Variants in MAPK10 observed in about 807,000 individuals in gnomAD.
MAPK10 encodes JNK3 alpha protein kinase.
In MAPK10, 25 loss-of-function variants were observed where a neutral mutation model predicts 59.3. That is an observed-to-expected ratio of 0.42 (90% confidence interval 0.31 to 0.59). The LOEUF is 0.59. Among genes scored for constraint, MAPK10 ranks in the 20% least tolerant of loss-of-function variants. The pLI, the probability that MAPK10 is intolerant of heterozygous loss-of-function variation, is 0.15. For synonymous variants in MAPK10, 190 were observed against 200.5 expected (o/e 0.95, Z 0.44); for missense variants, 351 against 568.9 (o/e 0.62, Z 3.90).
At chr4:86,102,958 G>A (rs2055765503) in intron 6 of MAPK10, 2 of 365,470 alleles carry the variant, frequency 5.5e-6, no homozygotes, top group Admixed American at 8.5e-5. Flanking sequence ...CCAAAAGGAG[G>A]CAGAATGTCT....
intron 1 of MAPK10, among the ~76,000 whole-genome samples, chr4:86,542,027 G>A (rs945119555): frequency 2.0e-5 from 3 of 151,398 alleles, no homozygotes; most frequent in African/African-American, 2.4e-5. Flanking sequence ...TATTAATAGT[G>A]ATCCTATCTG....
At chr4:86,167,244 A>C (rs921050325) in intron 3 of MAPK10, among the ~76,000 whole-genome samples, 15 of 152,186 alleles carry the variant, frequency 9.9e-5, no homozygotes, top group African/African-American at 3.4e-4. Flanking sequence ...CAACCAAAAA[A>C]AAGCCCAGGA....
chr4:86,340,999 G>A (rs1054362542), intron 2 of MAPK10, among the ~76,000 whole-genome samples: 7 of 152,104 alleles, frequency 4.6e-5, no homozygotes, highest in Non-Finnish European at 7.4e-5. Context: ...CATGAAGCAA[G>A]ACCATTGATT....
At chr4:86,263,327 C>A (rs769722176) in intron 2 of MAPK10, among the ~76,000 whole-genome samples, 4 of 152,150 alleles carry the variant, frequency 2.6e-5, no homozygotes, top group Non-Finnish European at 5.9e-5. Flanking sequence ...TTTTTCAAAT[C>A]TTTTGCAATA....
chr4:86,569,588 G>C (rs180903105), intron 1 of MAPK10, among the ~76,000 whole-genome samples: 3 of 152,186 alleles, frequency 2.0e-5, no homozygotes, highest in African/African-American at 7.2e-5. Context: ...AAAAAATGTG[G>C]TATTATATAT....
At chr4:86,046,018 G>C (rs545036536) in intron 11 of MAPK10, among the ~76,000 whole-genome samples, 1 of 151,740 alleles carries the variant, frequency 6.6e-6, no homozygotes, top group South Asian at 2.1e-4. Context: ...ATGGGACAAA[G>C]AATTGAGAAT....
intron 9 of MAPK10, among the ~76,000 whole-genome samples, chr4:86,075,446 T>C (rs2049092154): frequency 6.6e-6 from 1 of 152,218 alleles, no homozygotes; most frequent in Non-Finnish European, 1.5e-5. Context: ...AGGAACTGTG[T>C]TCCTTTGGAG....
chr4:86,296,065 A>G (rs1214055643), intron 2 of MAPK10, among the ~76,000 whole-genome samples: 1 of 150,894 alleles, frequency 6.6e-6, no homozygotes, highest in Non-Finnish European at 1.5e-5. Context: ...AATCCCAGCT[A>G]CTCGGGAGGC....
At chr4:86,478,366 G>A (rs1010149156) in intron 1 of MAPK10, among the ~76,000 whole-genome samples, 2 of 152,074 alleles carry the variant, frequency 1.3e-5, no homozygotes, top group Non-Finnish European at 2.9e-5. Flanking sequence ...CACAAGAACC[G>A]GGACTACGCC....
At chr4:86,091,224 C>A (rs2053065833) in intron 9 of MAPK10, 3 of 151,260 alleles carry the variant, frequency 2.0e-5, no homozygotes, top group African/African-American at 7.3e-5. Flanking sequence ...AATTAAATAT[C>A]TTTGGAAAAG....
intron 2 of MAPK10, among the ~76,000 whole-genome samples, chr4:86,196,690 C>G (rs2081372695): frequency 1.3e-5 from 2 of 151,916 alleles, no homozygotes; most frequent in Non-Finnish European, 2.9e-5. Flanking sequence ...TTTATGGTTT[C>G]AGGTCTCATG....
At chr4:86,063,965 G>A (rs1163420602) in intron 11 of MAPK10, among the ~76,000 whole-genome samples, 1 of 152,090 alleles carries the variant, frequency 6.6e-6, no homozygotes, top group African/African-American at 2.4e-5. Context: ...AGAAGAGACT[G>A]GCAGTCAAAC....
At chr4:86,248,289 T>C (rs748148341) in intron 2 of MAPK10, among the ~76,000 whole-genome samples, 16 of 152,242 alleles carry the variant, frequency 1.1e-4, no homozygotes, top group Non-Finnish European at 2.2e-4. Context: ...GTTGTTTAAA[T>C]TAAAATGTTA....
At chr4:86,126,654 A>T (rs1201969360) in intron 4 of MAPK10, among the ~76,000 whole-genome samples, 1 of 152,088 alleles carries the variant, frequency 6.6e-6, no homozygotes, top group Non-Finnish European at 1.5e-5. Flanking sequence ...CAAAGGTCCT[A>T]ACATACTGTA....
chr4:86,028,889 T>C, intron 13 of MAPK10: 2 of 385,314 alleles, frequency 5.2e-6, no homozygotes, highest in Non-Finnish European at 9.8e-6. Flanking sequence ...CAAAAGGGCA[T>C]TATGGCTCTG....
chr4:86,574,905 TATG>T (rs1761760868), intron 1 of MAPK10, among the ~76,000 whole-genome samples: 1 of 152,182 alleles, frequency 6.6e-6, no homozygotes, highest in Non-Finnish European at 1.5e-5. Flanking sequence ...TTTAACAAAA[TATG>T]ATGGTTAACA....
chr4:86,139,558 T>C (rs1044695126), intron 4 of MAPK10, among the ~76,000 whole-genome samples: 8 of 152,100 alleles, frequency 5.3e-5, no homozygotes, highest in Non-Finnish European at 1.0e-4. Context: ...ACTTAAACGT[T>C]AGACCTAAAA....
chr4:86,511,173 A>C (rs1404315199), intron 1 of MAPK10, among the ~76,000 whole-genome samples: 2 of 152,184 alleles, frequency 1.3e-5, no homozygotes, highest in South Asian at 2.1e-4. Flanking sequence ...ATTATACATC[A>C]ATTTTTTTTT....
chr4:86,343,876 A>T (rs1257501152), intron 2 of MAPK10, among the ~76,000 whole-genome samples: 1 of 105,160 alleles, frequency 9.5e-6, no homozygotes, highest in East Asian at 3.1e-4. Context: ...TCTTAAAAGT[A>T]GTTTTCATAA....
Sources: gnomAD v4.1 joint callset for allele counts (sites outside exome capture counted in the v4.1 genomes callset) on GRCh38, gnomAD v4.1.1 for gene constraint, MANE v1.5 for transcripts, NCBI Gene and HGNC (gene_info 2026-07-23, HGNC 2026-07-21) for gene names.